The following HNF4G variants were observed in gnomAD, a reference collection of about 807,000 sequenced individuals.
HNF4G encodes hepatocyte nuclear factor 4 gamma.
A neutral mutation model predicts 50.9 loss-of-function variants in HNF4G; 21 were observed. The observed-to-expected ratio is 0.41, with a 90% confidence interval of 0.29 to 0.59. The LOEUF (loss-of-function observed/expected upper bound fraction) is 0.59. Among genes scored for constraint, HNF4G ranks in the 20% least tolerant of loss-of-function variants. The pLI, the probability that HNF4G is intolerant of heterozygous loss-of-function variation, is 0.26. For missense variants in HNF4G, 527 were observed against 559.4 expected (o/e 0.94, Z 0.58); for synonymous variants, 198 against 185.6 (o/e 1.07, Z -0.54).
At chr8:75,529,083 A>G (rs2977925) in intron 2 of HNF4G, among the ~76,000 whole-genome samples, 15,412 of 151,942 alleles carry the variant, frequency 0.1, 1,154 homozygotes, top group African/African-American at 0.21. Flanking sequence ...TCAGGAGATC[A>G]AGACCATCCT....
intron 2 of HNF4G, among the ~76,000 whole-genome samples, chr8:75,531,385 T>C (rs1806322440): frequency 6.6e-6 from 1 of 152,234 alleles, no homozygotes; most frequent in African/African-American, 2.4e-5. Flanking sequence ...ATTTAGCATT[T>C]CAATACAAGA....
At chr8:75,487,329 C>T (rs918567179) in intron 1 of HNF4G, among the ~76,000 whole-genome samples, 1 of 151,940 alleles carries the variant, frequency 6.6e-6, no homozygotes, top group Non-Finnish European at 1.5e-5. Flanking sequence ...TTAAGAATTT[C>T]GGGATAGACA....
intron 9 of HNF4G, among the ~76,000 whole-genome samples, chr8:75,563,141 C>A (rs1034148082): frequency 6.6e-6 from 1 of 152,082 alleles, no homozygotes; most frequent in African/African-American, 2.4e-5. Context: ...CAAACATTTT[C>A]TGTTAGTTCT....
At chr8:75,490,669 A>G (rs927476331) in intron 2 of HNF4G, among the ~76,000 whole-genome samples, 3 of 152,062 alleles carry the variant, frequency 2.0e-5, no homozygotes, top group Admixed American at 2.0e-4. Context: ...AAAAGATGGC[A>G]AGTGTTTTCT....
intron 2 of HNF4G, among the ~76,000 whole-genome samples, chr8:75,514,427 A>G (rs1805841854): frequency 7.5e-6 from 1 of 132,488 alleles, no homozygotes; most frequent in African/African-American, 2.9e-5. Flanking sequence ...ATCTTGGCTC[A>G]CTGCAACCTC....
In HNF4G at chr8:75,494,445, T is replaced by C. The variant is rs182188246; in HGVS notation, c.-24+4237T>C. ...TTGCCTGAAATAATGAGATGAACAT[T>C]AATAAGGTCTTTTATTACAGTTGCA... On this transcript the variant is annotated intron_variant, in intron 2 of 10. Coordinates refer to the HNF4G transcript ENST00000354370. 6.2e-3 allele frequency among the ~76,000 whole-genome samples: 936 copies of C among 151,684 alleles called. 8 individuals carry two copies. The highest frequency in any genetic ancestry group is 9.1e-3 in the Non-Finnish European group (616 of 68,000).
intron 9 of HNF4G, among the ~76,000 whole-genome samples, chr8:75,563,025 G>A (rs1350789150): frequency 6.6e-6 from 1 of 152,210 alleles, no homozygotes; most frequent in African/African-American, 2.4e-5. Context: ...TAAAGCTAAT[G>A]TATTAATGAA....
rs781721404 is a variant in HNF4G at position 75,524,356 on chromosome 8, T to G, written c.-23-19455T>G. On this transcript the variant is annotated intron_variant, in intron 2 of 10. Coordinates refer to the HNF4G transcript ENST00000354370. ...TAGCCAACAATTCAAAACATTCTAC[T>G]GTTGTGTGCCCAAGCTCATCTTCCT... 4.1e-4 allele frequency among the ~76,000 whole-genome samples: 63 copies of G among 152,338 alleles called. 1 individual carries two copies. Among genetic ancestry groups the G allele is most frequent in the Non-Finnish European group, 6.8e-4 (46 of 68,004 alleles).
At chr8:75,451,138 T>C (rs1811575382) in intron 1 of HNF4G, among the ~76,000 whole-genome samples, 1 of 152,208 alleles carries the variant, frequency 6.6e-6, no homozygotes, top group Admixed American at 6.5e-5. Flanking sequence ...GCCTTTTTTT[T>C]TGAGAAATGT....
chr8:75,514,207 T>A (rs1336139941), intron 2 of HNF4G, among the ~76,000 whole-genome samples: 1 of 151,990 alleles, frequency 6.6e-6, no homozygotes, highest in South Asian at 2.1e-4. Context: ...TTCTTTTACA[T>A]GTATAATGAT....
At chr8:75,490,812 G>T (rs971772130) in intron 2 of HNF4G, among the ~76,000 whole-genome samples, 8 of 152,120 alleles carry the variant, frequency 5.3e-5, no homozygotes, top group Non-Finnish European at 8.8e-5. Context: ...AGCAGATTGC[G>T]ATTGTTCACT....
chr8:75,458,649 C>T (rs1177830092), intron 1 of HNF4G, among the ~76,000 whole-genome samples: 1 of 152,052 alleles, frequency 6.6e-6, no homozygotes, highest in Non-Finnish European at 1.5e-5. Context: ...TCCTAAATGC[C>T]TGGTACATGT....
intron 1 of HNF4G, among the ~76,000 whole-genome samples, chr8:75,459,392 A>T (rs947142196): frequency 1.3e-5 from 2 of 152,206 alleles, no homozygotes; most frequent in African/African-American, 4.8e-5. Context: ...TCTTCTCATT[A>T]TGTAGCAAAA....
rs1806954117 is a variant in HNF4G, at chr8:75,551,442, G to T, written c.437G>T (p.Ser146Ile). 1.9e-6 allele frequency: 3 copies of T among 1,613,390 alleles called. No individual in the cohort carries two copies. The highest frequency in any genetic ancestry group is 2.5e-6 in the Non-Finnish European group (3 of 1,179,512). Reference sequence around the variant, plus strand: ...ACCAGAAGAAGCACATTTGATGGCAGCAACATCCCCTCCATTAACACACTG... The same window carrying T: ...ACCAGAAGAAGCACATTTGATGGCATCAACATCCCCTCCATTAACACACTG... ...ISTRRSTFDG[S>I]NIPSINTLAQ... is the part of the protein sequence containing the mutation. The change falls in exon 4 of 10, where the codon AGC (serine) becomes ATC (isoleucine). Residue 146 changes from serine to isoleucine, a missense_variant. By Grantham distance (142) the Ser-to-Ile change is moderately radical. This residue lies in a region of HNF4G where 128 missense variants were observed against 135.3 expected (regional missense o/e 0.95). Transcript: ENST00000396423.
At chr8:75,504,266 CA>C (rs1192074817) in intron 2 of HNF4G, among the ~76,000 whole-genome samples, 1 of 83,400 alleles carries the variant, frequency 1.2e-5, no homozygotes, top group East Asian at 3.3e-4. Context: ...CACACACACA[CA>C]CACACACACC....
At chr8:75,452,884 TGA>T (rs1011721600) in intron 1 of HNF4G, among the ~76,000 whole-genome samples, 1 of 152,252 alleles carries the variant, frequency 6.6e-6, no homozygotes, top group African/African-American at 2.4e-5. Context: ...TCCACTTGAA[TGA>T]GAGATTATTG....
intron 1 of HNF4G, among the ~76,000 whole-genome samples, chr8:75,442,109 CTAAA>C (rs1811300288): frequency 6.6e-6 from 1 of 151,976 alleles, no homozygotes; most frequent in South Asian, 2.1e-4. Context: ...AGAGAAACAA[CTAAA>C]TAGTTAATTG....
At chr8:75,528,061 T>C (rs1270358948) in intron 2 of HNF4G, among the ~76,000 whole-genome samples, 1 of 152,188 alleles carries the variant, frequency 6.6e-6, no homozygotes, top group African/African-American at 2.4e-5. Flanking sequence ...AGTGCATAAT[T>C]GTGCATTTTG....
intron 2 of HNF4G, among the ~76,000 whole-genome samples, chr8:75,507,022 A>G (rs1282637287): frequency 6.6e-6 from 1 of 152,206 alleles, no homozygotes; most frequent in Non-Finnish European, 1.5e-5. Context: ...AACATATATA[A>G]TAGATGATAG....
Sources: gnomAD v4.1 joint callset for allele counts (sites outside exome capture counted in the v4.1 genomes callset) on GRCh38, gnomAD v4.1.1 for gene constraint, gnomAD v4.1.1 regional missense constraint, MANE v1.5 for transcripts, NCBI Gene and HGNC (gene_info 2026-07-23, HGNC 2026-07-21) for gene names.